Variants in GTF2H1 observed in about 807,000 individuals in gnomAD.
The protein encoded by GTF2H1 is general transcription factor IIH subunit 1.
GTF2H1 carries 16 observed loss-of-function variants against 71.2 expected under a neutral mutation model. The ratio of observed to expected loss-of-function variants is 0.22; its 90% confidence interval spans 0.15 to 0.34. The LOEUF (loss-of-function observed/expected upper bound fraction) is 0.34, where lower values mean the gene tolerates loss of function less well. Ranked by LOEUF, GTF2H1 falls within the 10% of genes least tolerant of loss-of-function variation. The pLI, the probability that GTF2H1 is intolerant of heterozygous loss-of-function variation, is 1.00. For synonymous variants in GTF2H1, 215 were observed against 219.0 expected, an observed-to-expected ratio of 0.98 and a Z score of 0.16; for missense variants, 498 against 648.2, an observed-to-expected ratio of 0.77 and a Z score of 2.52.
At chr11:18,357,912 G>A (rs1188849493) in intron 11 of GTF2H1, 40 bp from the exon 12 acceptor site, 10 of 1,169,938 alleles carry the variant, frequency 8.5e-6, no homozygotes, top group South Asian at 3.9e-5. Flanking sequence ...AAAAAAAAAA[G>A]GGAGGAAAAC....
intron 2 of GTF2H1, among the ~76,000 whole-genome samples, chr11:18,334,831 G>A (rs1179479572): frequency 2.6e-5 from 4 of 152,226 alleles, no homozygotes; most frequent in South Asian, 2.1e-4. Flanking sequence ...TATTATTTGT[G>A]TGTGCACTTT....
At chr11:18,359,358 T>G (rs1027398000) in intron 13 of GTF2H1, among the ~76,000 whole-genome samples, 2 of 152,140 alleles carry the variant, frequency 1.3e-5, no homozygotes, top group African/African-American at 4.8e-5. Context: ...CTGGACAACA[T>G]AGCAAGACTC....
chr11:18,365,814 C>A lies in GTF2H1; in HGVS notation c.1592C>A (p.Thr531Lys), dbSNP rs780748964. The A allele has an allele frequency of 4.3e-6, 7 of 1,613,634 alleles. No individual in the cohort carries two copies. The African/African-American group carries it at 8.0e-5, about 18-fold the overall frequency. The change falls in exon 15 of 15, where the codon ACA (threonine) becomes AAA (lysine). Residue 531 changes from threonine (T) to lysine (K), a missense_variant. By Grantham distance (78) the Thr-to-Lys change is moderately conservative. Coordinates refer to ENST00000265963, the MANE Select transcript of GTF2H1 (RefSeq NM_005316.4). ...AGTCACATAGAAGAGATGCTCCAGA[C>A]AGCCTACAACAAGCTCCACACATGG... is the stretch of plus-strand genomic sequence containing the variant. The part of the protein sequence containing the change: ...LVSHIEEMLQ[T>K]AYNKLHTWQS...
chr11:18,331,153 T>C (rs557660529), intron 1 of GTF2H1, among the ~76,000 whole-genome samples: 8 of 152,282 alleles, frequency 5.3e-5, no homozygotes, highest in African/African-American at 1.9e-4. Flanking sequence ...GCTCAAGCGA[T>C]TCTCCTGATT....
At chr11:18,358,137 A>C (rs1865606199) in intron 12 of GTF2H1, 95 bp downstream of exon 12, 11 of 782,506 alleles carry the variant, frequency 1.4e-5, no homozygotes, top group Non-Finnish European at 2.2e-5. Context: ...TTTTCCTTGG[A>C]ATAATCCTGG....
At chr11:18,325,136 T>G (rs552170128) in intron 1 of GTF2H1, among the ~76,000 whole-genome samples, 57 of 152,384 alleles carry the variant, frequency 3.7e-4, no homozygotes, top group African/African-American at 1.3e-3. Context: ...TTTCAGAAGA[T>G]TTCTCTTTCA....
intron 11 of GTF2H1, among the ~76,000 whole-genome samples, chr11:18,355,410 T>G (rs1447240992): frequency 6.6e-6 from 1 of 151,860 alleles, no homozygotes; most frequent in Non-Finnish European, 1.5e-5. Context: ...CCCAAAGTGC[T>G]GGGATTACAG....
At chr11:18,324,567 T>G (rs1864713671) in intron 1 of GTF2H1, among the ~76,000 whole-genome samples, 1 of 152,196 alleles carries the variant, frequency 6.6e-6, no homozygotes, top group Non-Finnish European at 1.5e-5. Context: ...TGTGCTATTT[T>G]ATTCCCTACC....
chr11:18,334,427 A>C (rs1316239859), intron 2 of GTF2H1, among the ~76,000 whole-genome samples: 2 of 152,200 alleles, frequency 1.3e-5, no homozygotes, highest in African/African-American at 4.8e-5. Flanking sequence ...GTTACTAGCT[A>C]ATAGCCTTAG....
intron 7 of GTF2H1, among the ~76,000 whole-genome samples, chr11:18,345,208 T>C (rs1865261843): frequency 6.6e-6 from 1 of 151,878 alleles, no homozygotes; most frequent in Admixed American, 6.6e-5. Flanking sequence ...AATAAAAATA[T>C]AAATTTAAAA....
In GTF2H1 at chr11:18,348,098, A is replaced by G. The variant is rs138513855; in HGVS notation, c.1053+179A>G. 54 of 617,942 alleles carry G rather than the reference A, an allele frequency of 8.7e-5. No individual in the cohort carries two copies. In the East Asian group the frequency reaches 1.5e-3, roughly 17 times the overall value. The allele number at this position is 617,942 out of a possible 1,614,324, so 38.3% of individuals were successfully genotyped here. A position where few individuals can be genotyped will look rare whatever the true frequency, so the allele number is the denominator to read the frequency against. ...TTTCCCCAGCTTTGGCTTGCCAGCC[A>G]ACTTTCCATTGACTCTAGCCTGTTA... On this transcript the variant is annotated intron_variant, in intron 9 of 14. Transcript: ENST00000265963.
rs1440168401 is a variant in GTF2H1 at position 18,351,949 on chromosome 11, A to G, written c.1122A>G (p.Leu374=). Residue 374 remains leucine, a synonymous_variant, in exon 10 of 15, where the codon CTA becomes CTG. Coordinates refer to ENST00000265963, the MANE Select transcript of GTF2H1 (RefSeq NM_005316.4). ...ATAATTCTGTAAAAACGATTGCACT[A>G]AACCTCAAGAAGTCAGATAGGTAAG... ...GKNNSVKTIA[L]NLKKSDRYYH... The G allele has an allele frequency of 1.3e-6, 2 of 1,587,398 alleles. No individual in the cohort carries two copies. Among genetic ancestry groups the G allele is most frequent in the East Asian group, 2.2e-5 (1 of 44,630 alleles).
chr11:18,359,596 G>A (rs1261878628), intron 13 of GTF2H1, among the ~76,000 whole-genome samples: 6 of 152,090 alleles, frequency 3.9e-5, no homozygotes, highest in Admixed American at 3.9e-4. Context: ...CAAATACTTA[G>A]CTAGAGATGG....
intron 7 of GTF2H1, among the ~76,000 whole-genome samples, chr11:18,345,018 C>CT (rs11345271): frequency 1.4e-4 from 21 of 147,192 alleles, no homozygotes; most frequent in Middle Eastern, 3.4e-3. Flanking sequence ...CATCTCTAAA[C>CT]TTTTTTTTTT....
At chr11:18,345,605 TCTC>T (rs1378228514) in intron 7 of GTF2H1, among the ~76,000 whole-genome samples, 26 of 151,770 alleles carry the variant, frequency 1.7e-4, no homozygotes, top group Non-Finnish European at 2.8e-4. Context: ...TTCAAGCACT[TCTC>T]CTCCCTCAGC....
intron 1 of GTF2H1, among the ~76,000 whole-genome samples, chr11:18,331,168 C>G (rs981590462): frequency 6.6e-6 from 1 of 152,114 alleles, no homozygotes. Flanking sequence ...CTGATTCTCC[C>G]GCTTCAGCAT....
At chr11:18,352,967 T>C (rs562698040) in intron 11 of GTF2H1, among the ~76,000 whole-genome samples, 256 of 152,382 alleles carry the variant, frequency 1.7e-3, no homozygotes, top group Middle Eastern at 6.8e-3. Context: ...GGCTCACGCC[T>C]GTAATCCCAA....
intron 1 of GTF2H1, among the ~76,000 whole-genome samples, chr11:18,329,544 A>C (rs1864846194): frequency 6.6e-6 from 1 of 152,162 alleles, no homozygotes; most frequent in Non-Finnish European, 1.5e-5. Flanking sequence ...TAAAATACAA[A>C]TCACTCCCCT....
At chr11:18,345,583 C>T (rs10766471) in intron 7 of GTF2H1, among the ~76,000 whole-genome samples, 69,386 of 150,230 alleles carry the variant, frequency 0.46, 18,391 homozygotes, top group East Asian at 0.85. Context: ...ACTGCAATCT[C>T]TGCCTCCCGA....
Sources: allele counts gnomAD v4.1 joint callset (sites outside exome capture counted in the v4.1 genomes callset), GRCh38; gene constraint gnomAD v4.1.1; transcripts MANE v1.5; gene names NCBI Gene and HGNC (gene_info 2026-07-23, HGNC 2026-07-21).